TENM2: variants seen among roughly 807,000 people sequenced by gnomAD.
TENM2 encodes the protein teneurin transmembrane protein 2.
A neutral mutation model predicts 245.2 loss-of-function variants in TENM2; 52 were observed. That is an observed-to-expected ratio of 0.21 (90% CI 0.17 to 0.27). TENM2 has a LOEUF of 0.27. Among genes scored for constraint, TENM2 ranks in the 10% least tolerant of loss-of-function variants. TENM2 has a pLI of 1.00. For missense variants in TENM2, 3,046 were observed against 3,666.8 expected (o/e 0.83, Z 4.37); for synonymous variants, 1,363 against 1,438.9 (o/e 0.95, Z 1.19).
chr5:167,994,989 A>T (rs1783946546), intron 5 of TENM2, among the ~76,000 whole-genome samples: 1 of 152,044 alleles, frequency 6.6e-6, no homozygotes, highest in African/African-American at 2.4e-5. Context: ...TCTTTTCATG[A>T]TTTGGTTTTG....
chr5:167,328,136 A>T (rs1757198294), intron 1 of TENM2, among the ~76,000 whole-genome samples: 1 of 151,588 alleles, frequency 6.6e-6, no homozygotes, highest in African/African-American at 2.4e-5. Flanking sequence ...ACTTGTTAAA[A>T]AAAAAAAATC....
the TENM2 span, among the ~76,000 whole-genome samples, chr5:167,049,144 A>G: frequency 3.3e-5 from 5 of 152,196 alleles, no homozygotes; most frequent in Non-Finnish European, 5.9e-5. Flanking sequence ...CGACCCTAAC[A>G]ATGTAAGCTA....
At chr5:167,679,200 C>G (rs572140074) in intron 2 of TENM2, among the ~76,000 whole-genome samples, 10 of 152,140 alleles carry the variant, frequency 6.6e-5, no homozygotes, top group African/African-American at 2.4e-4. Flanking sequence ...TGTGATTTAC[C>G]CTGTTATCAT....
chr5:167,430,688 A>G (rs1473509359), intron 2 of TENM2, among the ~76,000 whole-genome samples: 1 of 152,166 alleles, frequency 6.6e-6, no homozygotes, highest in Non-Finnish European at 1.5e-5. Flanking sequence ...GAATCCCAAA[A>G]CAGGTTTGGG....
At chr5:167,345,892 C>CA (rs57279945) in intron 1 of TENM2, among the ~76,000 whole-genome samples, 7,880 of 67,600 alleles carry the variant, frequency 0.12, 616 homozygotes, top group Admixed American at 0.36. Flanking sequence ...AACATACAGC[C>CA]AAAAAAAAAA....
At chr5:168,139,423 A>G (rs1755342214) in intron 12 of TENM2, 2 of 454,970 alleles carry the variant, frequency 4.4e-6, no homozygotes, top group Admixed American at 2.4e-5. Flanking sequence ...CTTATAATCT[A>G]ATTTAGTTAG....
chr5:167,765,818 G>A (rs1299778289), intron 2 of TENM2, among the ~76,000 whole-genome samples: 1 of 152,140 alleles, frequency 6.6e-6, no homozygotes, highest in African/African-American at 2.4e-5. Context: ...TCTCAGAACC[G>A]AGTGATGTTG....
At chr5:167,706,110 A>C (rs1353840583) in intron 2 of TENM2, among the ~76,000 whole-genome samples, 2 of 145,736 alleles carry the variant, frequency 1.4e-5, no homozygotes, top group East Asian at 3.9e-4. Context: ...ACCAGTATAT[A>C]TGTATAATTA....
intron 1 of TENM2, among the ~76,000 whole-genome samples, chr5:167,358,706 G>C (rs1759503107): frequency 6.6e-6 from 1 of 150,810 alleles, no homozygotes; most frequent in Non-Finnish European, 1.5e-5. Context: ...TCGTATATCA[G>C]ACCTGTCTCA....
At chr5:167,470,183 G>A (rs1766923715) in intron 2 of TENM2, among the ~76,000 whole-genome samples, 2 of 152,000 alleles carry the variant, frequency 1.3e-5, no homozygotes, top group Non-Finnish European at 2.9e-5. Flanking sequence ...CCATAATGAA[G>A]CTTTAATAAG....
intron 2 of TENM2, among the ~76,000 whole-genome samples, chr5:167,846,278 T>C (rs1042246747): frequency 1.3e-5 from 2 of 152,232 alleles, no homozygotes; most frequent in African/African-American, 4.8e-5. Flanking sequence ...CCCCAGTGAA[T>C]ATTGGTTGAA....
intron 2 of TENM2, among the ~76,000 whole-genome samples, chr5:167,458,494 C>CAAAAAAAAA (rs70976430): frequency 7.1e-3 from 581 of 81,294 alleles, no homozygotes; most frequent in Non-Finnish European, 9.2e-3. Flanking sequence ...CTCAAAAAAA[C>CAAAAAAAAA]AAAAAAAAAA....
At chr5:167,063,808 T>A in the TENM2 span, among the ~76,000 whole-genome samples, 1 of 152,220 alleles carries the variant, frequency 6.6e-6, no homozygotes, top group Non-Finnish European at 1.5e-5. Flanking sequence ...TCAGTTCTCT[T>A]AATGGCTAGA....
intron 9 of TENM2, 111 bp downstream of exon 11, chr5:168,098,238 C>A: frequency 1.3e-6 from 1 of 751,956 alleles, no homozygotes; most frequent in South Asian, 1.6e-5. Flanking sequence ...TCCCCCGAGA[C>A]ATCTTGCAAG....
chr5:167,455,545 G>A (rs1286401353), intron 2 of TENM2, among the ~76,000 whole-genome samples: 1 of 145,692 alleles, frequency 6.9e-6, no homozygotes, highest in Non-Finnish European at 1.5e-5. Flanking sequence ...TCCAAGTGAT[G>A]TCTCTGCCAG....
chr5:167,007,689 C>A, the TENM2 span, among the ~76,000 whole-genome samples: 6 of 152,072 alleles, frequency 3.9e-5, no homozygotes, highest in Non-Finnish European at 2.9e-5. The surrounding 1 kb of genome is among the most constrained non-coding windows in gnomAD (Gnocchi z 4.2). Context: ...ACAGGCCCCC[C>A]ACTACCACCT....
At chr5:167,357,605 T>G (rs1759430542) in intron 1 of TENM2, among the ~76,000 whole-genome samples, 8 of 152,128 alleles carry the variant, frequency 5.3e-5, no homozygotes, top group Admixed American at 5.2e-4. Context: ...CATTTCAGAT[T>G]GTCTTATTTT....
intron 2 of TENM2, among the ~76,000 whole-genome samples, chr5:167,851,221 G>A (rs1418283639): frequency 1.3e-5 from 2 of 152,152 alleles, no homozygotes; most frequent in Non-Finnish European, 2.9e-5. Flanking sequence ...TAAACTGTGA[G>A]AGAGAGCCAA....
At chr5:167,250,702 CAT>C in the TENM2 span, among the ~76,000 whole-genome samples, 3 of 152,112 alleles carry the variant, frequency 2.0e-5, no homozygotes, top group African/African-American at 2.4e-5. Context: ...TTCACAGAAA[CAT>C]GTGTCCTACT....
Sources: allele counts gnomAD v4.1 joint callset (sites outside exome capture counted in the v4.1 genomes callset), GRCh38; gene constraint gnomAD v4.1.1; non-coding constraint Gnocchi (gnomAD v3.1); transcripts MANE v1.5; gene names NCBI Gene and HGNC (gene_info 2026-07-23, HGNC 2026-07-21).